Variants in PTPRG observed in about 807,000 individuals in gnomAD.
PTPRG encodes the protein protein tyrosine phosphatase receptor type G.
A neutral mutation model predicts 165.3 loss-of-function variants in PTPRG; 102 were observed. The ratio of observed to expected loss-of-function variants is 0.62; its 90% CI spans 0.53 to 0.73. The LOEUF (loss-of-function observed/expected upper bound fraction) is 0.73. Among genes scored for constraint, PTPRG ranks in the 30% least tolerant of loss-of-function variants. The pLI, the probability that PTPRG is intolerant of heterozygous loss-of-function variation, is 0.00. For synonymous variants in PTPRG, 675 were observed against 669.5 expected, an observed-to-expected ratio of 1.01 and a Z score of -0.13; for missense variants, 1,866 against 1,861.4, an observed-to-expected ratio of 1.00 and a Z score of -0.05.
At chr3:61,730,102 T>C (rs115141219) in intron 1 of PTPRG, among the ~76,000 whole-genome samples, 86 of 152,334 alleles carry the variant, frequency 5.6e-4, no homozygotes, top group Non-Finnish European at 1.1e-3. Flanking sequence ...ACTGAAGGGG[T>C]TTGTGACCAC....
At chr3:61,613,363 T>C (rs1165246186) in intron 1 of PTPRG, among the ~76,000 whole-genome samples, 1 of 152,284 alleles carries the variant, frequency 6.6e-6, no homozygotes, top group East Asian at 1.9e-4. Context: ...CTTCAATATT[T>C]AGGTATTAAT....
intron 6 of PTPRG, among the ~76,000 whole-genome samples, chr3:62,150,544 C>A (rs1392019169): frequency 6.6e-6 from 1 of 152,198 alleles, no homozygotes; most frequent in African/African-American, 2.4e-5. Flanking sequence ...TCTTCCATTT[C>A]TAATGACTTA....
At chr3:61,867,893 C>G (rs1482708252) in intron 2 of PTPRG, among the ~76,000 whole-genome samples, 1 of 152,152 alleles carries the variant, frequency 6.6e-6, no homozygotes, top group Non-Finnish European at 1.5e-5. Context: ...GTTTGTAAAG[C>G]TTGGGTGCAG....
intron 2 of PTPRG, among the ~76,000 whole-genome samples, chr3:61,784,772 T>A (rs111274657): frequency 1.2e-3 from 181 of 152,370 alleles, no homozygotes; most frequent in African/African-American, 4.1e-3. Flanking sequence ...TACAATTCTT[T>A]TAAAGAATTT....
intron 3 of PTPRG, among the ~76,000 whole-genome samples, chr3:61,994,144 A>G (rs182586102): frequency 9.2e-4 from 140 of 152,296 alleles, no homozygotes; most frequent in African/African-American, 3.2e-3. Flanking sequence ...TCATTTTTGT[A>G]GAATGAAAAG....
At chr3:61,661,564 C>A (rs1015045983) in intron 1 of PTPRG, among the ~76,000 whole-genome samples, 3 of 152,126 alleles carry the variant, frequency 2.0e-5, no homozygotes, top group Non-Finnish European at 4.4e-5. Flanking sequence ...TTTTATCATG[C>A]TATAAATACC....
intron 4 of PTPRG, among the ~76,000 whole-genome samples, chr3:62,044,007 A>T (rs374984820): frequency 2.0e-5 from 3 of 152,174 alleles, no homozygotes; most frequent in East Asian, 3.9e-4. Flanking sequence ...TATTTGGAGG[A>T]TAATTTTTGC....
intron 4 of PTPRG, among the ~76,000 whole-genome samples, chr3:62,059,589 G>C (rs1403653457): frequency 6.6e-6 from 1 of 152,204 alleles, no homozygotes; most frequent in Non-Finnish European, 1.5e-5. Context: ...TATAATCCCA[G>C]CTCTCTGGGA....
intron 2 of PTPRG, among the ~76,000 whole-genome samples, chr3:61,855,671 T>TTTTA: frequency 7.1e-6 from 1 of 139,872 alleles, no homozygotes; most frequent in African/African-American, 2.7e-5. Flanking sequence ...TTTTTTTTTT[T>TTTTA]AAAAGCAAAG....
intron 1 of PTPRG, among the ~76,000 whole-genome samples, chr3:61,675,626 T>C (rs1265738267): frequency 6.6e-6 from 1 of 152,208 alleles, no homozygotes; most frequent in Non-Finnish European, 1.5e-5. Flanking sequence ...ATGTCTTTTT[T>C]CTGCCATTTA....
intron 24 of PTPRG, 49 bp from the exon 25 acceptor site, chr3:62,276,923 G>C: frequency 1.4e-6 from 2 of 1,416,434 alleles, no homozygotes; most frequent in Non-Finnish European, 2.0e-6. Context: ...TGTTGGTTCT[G>C]TGTGTATAAT....
intron 1 of PTPRG, among the ~76,000 whole-genome samples, chr3:61,604,477 A>C (rs1034819531): frequency 1.1e-4 from 17 of 152,208 alleles, no homozygotes; most frequent in African/African-American, 4.1e-4. Context: ...CATACAAATA[A>C]ACATTAAAGG....
At chr3:61,946,867 C>T (rs963973794) in intron 2 of PTPRG, among the ~76,000 whole-genome samples, 9 of 152,152 alleles carry the variant, frequency 5.9e-5, no homozygotes, top group African/African-American at 2.2e-4. Flanking sequence ...TCTTCTAGAA[C>T]TTTTTAACAA....
At chr3:62,243,553 T>C (rs1701213158) in intron 14 of PTPRG, 2 of 315,756 alleles carry the variant, frequency 6.3e-6, no homozygotes, top group African/African-American at 4.3e-5. Context: ...ATTTGAGTAG[T>C]TAAATACTAA....
At chr3:62,201,667 G>T in intron 11 of PTPRG, 113 bp downstream of exon 11, 1 of 871,230 alleles carries the variant, frequency 1.1e-6, no homozygotes, top group Non-Finnish European at 1.7e-6. Flanking sequence ...AGTGTAAAGC[G>T]GTTATAGTAG....
Position 61,900,205 on chromosome 3 carries a change from G to A in PTPRG, c.191-89420G>A, listed in dbSNP as rs115928165. On this transcript the variant is annotated intron_variant, in intron 2 of 29. Coordinates refer to ENST00000474889, the MANE Select transcript of PTPRG (RefSeq NM_002841.4). ...GGAAACAACACAAGGTTGTAATGTC[G>A]TCGTTTATCTGTATCATCGTTAAAA... is the stretch of plus-strand genomic sequence containing the variant. Among the ~76,000 whole-genome samples the A allele has an allele frequency of 4.3e-3, 650 of 151,948 alleles. 7 individuals are homozygous for A. The highest frequency in any genetic ancestry group is 0.014 in the African/African-American group (596 of 41,450).
intron 3 of PTPRG, among the ~76,000 whole-genome samples, chr3:62,000,291 A>C (rs2041142355): frequency 6.6e-6 from 1 of 151,990 alleles, no homozygotes; most frequent in Non-Finnish European, 1.5e-5. Flanking sequence ...CAAAAAAAAA[A>C]AAAAAAAAAG....
chr3:61,589,724 G>A (rs1017833904), intron 1 of PTPRG, among the ~76,000 whole-genome samples: 2 of 152,084 alleles, frequency 1.3e-5, no homozygotes, highest in Admixed American at 6.6e-5. Context: ...ATGGGGACAC[G>A]TGGCAGCTGC....
At chr3:61,833,087 G>GTGTGTGTGTGTGTT (rs1651380616) in intron 2 of PTPRG, among the ~76,000 whole-genome samples, 1 of 152,086 alleles carries the variant, frequency 6.6e-6, no homozygotes, top group African/African-American at 2.4e-5. Context: ...GTGTGTGTGT[G>GTGTGTGTGTGTGTT]TGTGTGTGTA....
Sources: gnomAD v4.1 joint callset for allele counts (sites outside exome capture counted in the v4.1 genomes callset) on GRCh38, gnomAD v4.1.1 for gene constraint, MANE v1.5 for transcripts, NCBI Gene and HGNC (gene_info 2026-07-23, HGNC 2026-07-21) for gene names.